SLC24A3: variants seen among roughly 807,000 people sequenced by gnomAD.
SLC24A3 encodes sodium/potassium/calcium exchanger 3.
In SLC24A3, 28 loss-of-function variants were observed where a neutral mutation model predicts 75.8. The ratio of observed to expected loss-of-function variants is 0.37; its 90% CI spans 0.27 to 0.51. The LOEUF is 0.51. SLC24A3 is among the 20% of genes least tolerant of loss of function. The pLI is 0.94. For synonymous variants in SLC24A3, 372 were observed against 334.1 expected, an observed-to-expected ratio of 1.11 and a Z score of -1.24; for missense variants, 663 against 847.8, an observed-to-expected ratio of 0.78 and a Z score of 2.71.
chr20:19,475,692 G>T (rs2122512385), intron 2 of SLC24A3, among the ~76,000 whole-genome samples: 1 of 152,132 alleles, frequency 6.6e-6, no homozygotes, highest in East Asian at 1.9e-4. Context: ...CCTATATAAA[G>T]AAAACTATTT....
chr20:19,555,457 G>A (rs553979803), intron 3 of SLC24A3, among the ~76,000 whole-genome samples: 8 of 152,162 alleles, frequency 5.3e-5, no homozygotes, highest in African/African-American at 1.9e-4. Context: ...CATTAGTCTC[G>A]ACAATGGGAA....
chr20:19,449,527 G>C (rs562966586), intron 2 of SLC24A3, among the ~76,000 whole-genome samples: 2 of 152,332 alleles, frequency 1.3e-5, no homozygotes, highest in East Asian at 3.9e-4. Context: ...AAGTTCTCAA[G>C]TCTTGCCAGC....
chr20:19,619,499 C>T (rs909146085), intron 6 of SLC24A3, among the ~76,000 whole-genome samples: 2 of 152,166 alleles, frequency 1.3e-5, no homozygotes, highest in South Asian at 2.1e-4. Flanking sequence ...TGAGCTTTCC[C>T]GTGGATCCAT....
At chr20:19,515,675 C>A in intron 3 of SLC24A3, 111 bp downstream of exon 3, 2 of 1,070,702 alleles carry the variant, frequency 1.9e-6, no homozygotes, top group Non-Finnish European at 2.8e-6. Flanking sequence ...CCTGTTCCCA[C>A]GCTGCCTGGT....
intron 8 of SLC24A3, among the ~76,000 whole-genome samples, chr20:19,670,947 T>G (rs922257887): frequency 3.9e-5 from 6 of 152,188 alleles, no homozygotes; most frequent in Non-Finnish European, 8.8e-5. Context: ...AGACACCAGA[T>G]ACCAGGGAAG....
intron 3 of SLC24A3, among the ~76,000 whole-genome samples, chr20:19,538,041 A>T (rs993438316): frequency 4.0e-4 from 61 of 151,286 alleles, no homozygotes; most frequent in South Asian, 1.0e-3. Flanking sequence ...AATAAAATTT[A>T]AAAAAAAATG....
At chr20:19,631,098 C>A (rs1274505163) in intron 6 of SLC24A3, among the ~76,000 whole-genome samples, 2 of 152,208 alleles carry the variant, frequency 1.3e-5, no homozygotes, top group South Asian at 4.2e-4. Context: ...AATTGTAGCA[C>A]TTTGGGAGGC....
chr20:19,684,075 AGAAG>A, intron 10 of SLC24A3, 97 bp from the exon 11 acceptor site: 1 of 1,347,120 alleles, frequency 7.4e-7, no homozygotes, highest in Non-Finnish European at 1.0e-6. Flanking sequence ...ATGGGAGGAA[AGAAG>A]GGAGGAAGAG....
intron 3 of SLC24A3, among the ~76,000 whole-genome samples, chr20:19,570,680 A>G (rs1392916481): frequency 6.6e-6 from 1 of 152,206 alleles, no homozygotes; most frequent in Admixed American, 6.5e-5. Context: ...TGATGAACAC[A>G]AATGATAGTT....
At chr20:19,434,119 C>A (rs796618352) in intron 2 of SLC24A3, among the ~76,000 whole-genome samples, 3 of 152,336 alleles carry the variant, frequency 2.0e-5, no homozygotes, top group African/African-American at 7.2e-5. Context: ...TAATACACAT[C>A]ACTGAGCTGA....
intron 12 of SLC24A3, among the ~76,000 whole-genome samples, chr20:19,686,548 C>T (rs578119945): frequency 2.1e-3 from 326 of 152,294 alleles, no homozygotes; most frequent in Non-Finnish European, 3.9e-3. Context: ...GCAACCTCTT[C>T]GGGATGTTTG....
intron 1 of SLC24A3, among the ~76,000 whole-genome samples, chr20:19,276,484 A>T (rs1983489773): frequency 6.6e-6 from 1 of 152,206 alleles, no homozygotes; most frequent in East Asian, 1.9e-4. Context: ...TATTGCTCCT[A>T]GGCTAAAAAC....
intron 2 of SLC24A3, among the ~76,000 whole-genome samples, chr20:19,360,668 C>T (rs1207955947): frequency 6.6e-6 from 1 of 152,200 alleles, no homozygotes; most frequent in Non-Finnish European, 1.5e-5. Flanking sequence ...TAACAACATG[C>T]AAATGTTTTG....
chr20:19,688,546 A>C lies in SLC24A3; in HGVS notation c.1324+3185A>C, dbSNP rs891427336. 7.2e-5 allele frequency among the ~76,000 whole-genome samples: 11 copies of C among 152,370 alleles called. No homozygotes were observed. The South Asian group carries it at 2.1e-3, about 29-fold the overall frequency. ...AGCCTGTCGGGTGCTTCCGGCCAGC[A>C]GAGGGCATTGAGAAGCCAGGGAGTC... On this transcript the variant is annotated intron_variant, in intron 12 of 16. Coordinates refer to ENST00000328041, the MANE Select transcript of SLC24A3 (RefSeq NM_020689.4).
At chr20:19,514,595 C>T (rs1367261299) in intron 2 of SLC24A3, among the ~76,000 whole-genome samples, 1 of 152,064 alleles carries the variant, frequency 6.6e-6, no homozygotes, top group Admixed American at 6.5e-5. Flanking sequence ...GCAAAGGAGC[C>T]GTGGATTCCT....
intron 2 of SLC24A3, among the ~76,000 whole-genome samples, chr20:19,461,538 T>C (rs1240184499): frequency 1.5e-5 from 2 of 133,750 alleles, no homozygotes; most frequent in Non-Finnish European, 3.1e-5. Flanking sequence ...TCTTTTTTTT[T>C]TTTTTTTTTT....
chr20:19,616,645 A>G (rs1472454920), intron 6 of SLC24A3, among the ~76,000 whole-genome samples: 5 of 152,152 alleles, frequency 3.3e-5, no homozygotes, highest in Non-Finnish European at 7.4e-5. Context: ...ATCACCCCCA[A>G]GAAAATGGGT....
At chr20:19,678,361 G>C (rs1390524825) in intron 9 of SLC24A3, among the ~76,000 whole-genome samples, 2 of 126,330 alleles carry the variant, frequency 1.6e-5, no homozygotes, top group Non-Finnish European at 3.5e-5. Context: ...CTCCCTCCCG[G>C]ACGGGGCGGC....
chr20:19,550,747 G>A (rs2122598370), intron 3 of SLC24A3, among the ~76,000 whole-genome samples: 1 of 152,302 alleles, frequency 6.6e-6, no homozygotes, highest in East Asian at 1.9e-4. Context: ...GAGGCAAAGT[G>A]CCTTGAAGGC....
Sources: gnomAD v4.1 joint callset for allele counts (sites outside exome capture counted in the v4.1 genomes callset) on GRCh38, gnomAD v4.1.1 for gene constraint, MANE v1.5 for transcripts, NCBI Gene and HGNC (gene_info 2026-07-23, HGNC 2026-07-21) for gene names.